Variants in ENPEP observed in about 807,000 individuals in gnomAD.
ENPEP encodes the protein glutamyl aminopeptidase.
A neutral mutation model predicts 114.5 loss-of-function variants in ENPEP; 103 were observed. That is an observed-to-expected ratio of 0.90 (90% CI 0.77 to 1.06). The LOEUF (loss-of-function observed/expected upper bound fraction) is 1.06, where lower values mean the gene tolerates loss of function less well. Among genes scored for constraint, ENPEP ranks in the 50% least tolerant of loss-of-function variants. ENPEP has a pLI of 0.00. For synonymous variants in ENPEP, 420 were observed against 422.0 expected (o/e 1.00, Z 0.06); for missense variants, 1,196 against 1,161.3 (o/e 1.03, Z -0.43).
chr4:110,551,589 G>A (rs1278431487), intron 17 of ENPEP, among the ~76,000 whole-genome samples: 1 of 152,108 alleles, frequency 6.6e-6, no homozygotes, highest in Non-Finnish European at 1.5e-5. Flanking sequence ...CATAAAAGTA[G>A]ATTTACCCAC....
intron 11 of ENPEP, among the ~76,000 whole-genome samples, chr4:110,531,966 T>A (rs997222281): frequency 3.3e-5 from 5 of 152,206 alleles, no homozygotes; most frequent in African/African-American, 1.2e-4. Context: ...TGGTATGGAC[T>A]TTCACTTGTG....
chr4:110,503,321 C>A (rs1725235539), intron 3 of ENPEP, among the ~76,000 whole-genome samples: 1 of 152,098 alleles, frequency 6.6e-6, no homozygotes, highest in Non-Finnish European at 1.5e-5. Flanking sequence ...TTGGCCTATT[C>A]TGCTGTTAAT....
intron 11 of ENPEP, among the ~76,000 whole-genome samples, chr4:110,535,153 A>G (rs894280049): frequency 4.6e-5 from 7 of 152,142 alleles, no homozygotes; most frequent in African/African-American, 1.7e-4. Flanking sequence ...TCTTGCTAAA[A>G]CATAATATTT....
At chr4:110,482,588 A>T (rs1361731745) in intron 1 of ENPEP, among the ~76,000 whole-genome samples, 3 of 152,186 alleles carry the variant, frequency 2.0e-5, no homozygotes, top group South Asian at 2.1e-4. Flanking sequence ...ACCTGCATGG[A>T]TGTGTATGTA....
At chr4:110,533,778 A>G (rs1466776515) in intron 11 of ENPEP, among the ~76,000 whole-genome samples, 1 of 152,204 alleles carries the variant, frequency 6.6e-6, no homozygotes. Flanking sequence ...CTATTGACCT[A>G]TCTATGTCTC....
rs1727687676 is a variant in ENPEP at position 110,561,751 on chromosome 4, CT to C, written c.*195del. ...TATGAAGAAAGATACTAATAGAGTA[CT>C]TAATATACTCAGGGATTCCTTCTAA... On this transcript the variant is annotated 3_prime_UTR_variant, in exon 20 of 20. Coordinates refer to ENST00000265162, the MANE Select transcript of ENPEP (RefSeq NM_001977.4). The C allele has an allele frequency of 4.0e-6, 2 of 495,944 alleles. No homozygotes were observed. Among genetic ancestry groups the C allele is most frequent in the Non-Finnish European group, 7.0e-6 (2 of 286,306 alleles). 30.7% of individuals were successfully genotyped at this position (495,944 alleles called of 1,614,324 possible).
intron 11 of ENPEP, among the ~76,000 whole-genome samples, chr4:110,532,412 A>G (rs1411522670): frequency 6.6e-6 from 1 of 152,230 alleles, no homozygotes; most frequent in Admixed American, 6.5e-5. Flanking sequence ...AGGCTCATCC[A>G]TGATATAGCA....
At chr4:110,485,802 TA>T (rs1331769091) in intron 1 of ENPEP, among the ~76,000 whole-genome samples, 2 of 152,150 alleles carry the variant, frequency 1.3e-5, no homozygotes, top group Admixed American at 6.5e-5. Flanking sequence ...CCTCATGATT[TA>T]AAAATGCAAG....
intron 8 of ENPEP, among the ~76,000 whole-genome samples, chr4:110,516,432 G>A (rs1202193370): frequency 6.6e-6 from 1 of 152,056 alleles, no homozygotes; most frequent in Non-Finnish European, 1.5e-5. Context: ...GCCTAGAAAT[G>A]AAGTTCTCTT....
chr4:110,487,556 AT>A (rs1724551452), intron 1 of ENPEP, among the ~76,000 whole-genome samples: 4 of 152,194 alleles, frequency 2.6e-5, no homozygotes, highest in South Asian at 4.1e-4. Context: ...AAGGGACTCA[AT>A]TAATGTTTCT....
chr4:110,553,512 C>A, intron 18 of ENPEP, 57 bp downstream of exon 18: 1 of 1,496,306 alleles, frequency 6.7e-7, no homozygotes, highest in Non-Finnish European at 9.0e-7. Flanking sequence ...TCTACTGGTT[C>A]CTTCATTTTT....
At chr4:110,550,691 A>G (rs1727254987) in intron 17 of ENPEP, among the ~76,000 whole-genome samples, 1 of 152,098 alleles carries the variant, frequency 6.6e-6, no homozygotes, top group South Asian at 2.1e-4. Flanking sequence ...TTTAACCAAC[A>G]CTTATGGTGT....
intron 4 of ENPEP, 132 bp from the exon 5 acceptor site, chr4:110,509,521 T>A (rs1725493718): frequency 8.5e-7 from 1 of 1,182,610 alleles, no homozygotes; most frequent in East Asian, 2.6e-5. Flanking sequence ...CACACATGAT[T>A]ACAGTTCTTT....
intron 11 of ENPEP, among the ~76,000 whole-genome samples, chr4:110,538,063 G>T (rs1040850634): frequency 2.0e-5 from 3 of 152,092 alleles, no homozygotes; most frequent in African/African-American, 7.2e-5. Flanking sequence ...ATTCTTAAGG[G>T]CCTTAGGATT....
intron 11 of ENPEP, among the ~76,000 whole-genome samples, chr4:110,536,046 G>A (rs1360934469): frequency 1.5e-5 from 2 of 137,138 alleles, no homozygotes; most frequent in Non-Finnish European, 3.1e-5. Context: ...GGCGGAGGTT[G>A]TAGTGAGCCG....
intron 11 of ENPEP, among the ~76,000 whole-genome samples, chr4:110,538,401 A>G (rs1726724010): frequency 6.6e-6 from 1 of 152,208 alleles, no homozygotes; most frequent in African/African-American, 2.4e-5. Flanking sequence ...AACCTTTGCT[A>G]GCTTCCAGCT....
At chr4:110,477,317 A>G (rs1578387001) in intron 1 of ENPEP, among the ~76,000 whole-genome samples, 1 of 152,200 alleles carries the variant, frequency 6.6e-6, no homozygotes, top group Non-Finnish European at 1.5e-5. Flanking sequence ...CATCAGGAGA[A>G]ATCATAATAT....
chr4:110,511,538 A>G (rs1435002937), intron 6 of ENPEP, among the ~76,000 whole-genome samples: 2 of 152,206 alleles, frequency 1.3e-5, no homozygotes, highest in African/African-American at 2.4e-5. Flanking sequence ...GTATAAATGG[A>G]AAATTGTGTT....
chr4:110,514,545 T>G (rs1375482957), intron 7 of ENPEP, among the ~76,000 whole-genome samples: 1 of 152,064 alleles, frequency 6.6e-6, no homozygotes, highest in East Asian at 1.9e-4. Flanking sequence ...AAGTTTAAAT[T>G]TATTCAATCA....
Sources: allele counts gnomAD v4.1 joint callset (sites outside exome capture counted in the v4.1 genomes callset), GRCh38; gene constraint gnomAD v4.1.1; transcripts MANE v1.5; gene names NCBI Gene and HGNC (gene_info 2026-07-23, HGNC 2026-07-21).